The following MEIS2 variants were observed in gnomAD, a reference collection of about 807,000 sequenced individuals.
The protein encoded by MEIS2 is Meis homeobox 2.
Under a neutral mutation model 58.6 loss-of-function variants are expected in MEIS2, and 9 were observed. The observed-to-expected ratio is 0.15, with a 90% CI of 0.09 to 0.27. The LOEUF (loss-of-function observed/expected upper bound fraction) is 0.27. MEIS2 is among the 10% of genes least tolerant of loss of function. MEIS2 has a pLI of 1.00. For synonymous variants in MEIS2, 221 were observed against 228.4 expected (o/e 0.97, Z 0.29); for missense variants, 427 against 635.0 (o/e 0.67, Z 3.52).
rs375872187 is a variant in MEIS2, at chr15:36,934,662, G to A, written c.977+15662C>T. Among the ~76,000 whole-genome samples the A allele has an allele frequency of 3.6e-3, 542 of 152,250 alleles. 9 individuals are homozygous for A. Among genetic ancestry groups the A allele is most frequent in the Admixed American group, 7.1e-3 (108 of 15,294 alleles). ...TCATGCTTTTTCATCTCCTGTATGAGCTTTGCCTAGCATGAAATGCTGTCA... is the reference window on the plus strand; with the variant it reads ...TCATGCTTTTTCATCTCCTGTATGAACTTTGCCTAGCATGAAATGCTGTCA... On this transcript the variant is annotated intron_variant, in intron 9 of 11. Transcript: ENST00000561208.
chr15:36,946,749 C>A (rs1244548731), intron 9 of MEIS2, among the ~76,000 whole-genome samples: 1 of 151,932 alleles, frequency 6.6e-6, no homozygotes, highest in Non-Finnish European at 1.5e-5. Context: ...TGACCATTAT[C>A]TCCATTTCAC....
chr15:37,045,585 A>G (rs1225730864), intron 7 of MEIS2, among the ~76,000 whole-genome samples: 1 of 152,198 alleles, frequency 6.6e-6, no homozygotes, highest in Non-Finnish European at 1.5e-5. Context: ...ATTTTTTCCT[A>G]CATGCAATTT....
intron 9 of MEIS2, among the ~76,000 whole-genome samples, chr15:36,911,046 A>G (rs76744285): frequency 1.4e-5 from 2 of 147,344 alleles, no homozygotes; most frequent in African/African-American, 5.0e-5. Context: ...CTCTGTCTCA[A>G]AAAAAAAAAA....
At chr15:37,099,102 A>G (rs957057350) in intron 1 of MEIS2, 57 of 1,012,560 alleles carry the variant, frequency 5.6e-5, no homozygotes, top group Non-Finnish European at 6.6e-5. Context: ...CAGCGGCAGC[A>G]GGAGAACCGG....
intron 7 of MEIS2, among the ~76,000 whole-genome samples, chr15:37,070,441 C>G (rs574486778): frequency 6.6e-5 from 10 of 152,218 alleles, no homozygotes; most frequent in Admixed American, 6.5e-4. Flanking sequence ...AGAGATAATG[C>G]ATAAAAGCGT....
Position 36,891,486 on chromosome 15 carries a change from C to T in MEIS2, c.*687G>A, listed in dbSNP as rs2055853097. 1 of 152,674 alleles carries T rather than the reference C, an allele frequency of 6.5e-6. No individual in the cohort carries two copies. Among genetic ancestry groups the T allele is most frequent in the African/African-American group, 2.4e-5 (1 of 41,424 alleles). The allele number at this position is 152,674 out of a possible 1,614,324, so 9.5% of individuals were successfully genotyped here. A position where few individuals can be genotyped will look rare whatever the true frequency, so the allele number is the denominator to read the frequency against. On this transcript the variant is annotated 3_prime_UTR_variant, in exon 12 of 12. Transcript: ENST00000561208. Reference sequence around the variant, plus strand: ...CAAGGCTCAGAACTCCTGGAAGAAGCTCCTGCTCTGTCTTTAAATCTTCAT... The same window carrying T: ...CAAGGCTCAGAACTCCTGGAAGAAGTTCCTGCTCTGTCTTTAAATCTTCAT...
chr15:36,948,633 A>G (rs1162947997), intron 9 of MEIS2, among the ~76,000 whole-genome samples: 1 of 152,018 alleles, frequency 6.6e-6, no homozygotes, highest in African/African-American at 2.4e-5. Flanking sequence ...ATGTGTATAT[A>G]TTAGCTCAGT....
chr15:36,988,568 C>G (rs566736464), intron 8 of MEIS2, among the ~76,000 whole-genome samples: 3 of 152,066 alleles, frequency 2.0e-5, no homozygotes, highest in African/African-American at 7.2e-5. Flanking sequence ...TTGCCTTGGC[C>G]CAGGATAGAA....
chr15:36,995,638 A>T (rs1252666015), intron 8 of MEIS2, among the ~76,000 whole-genome samples: 3 of 144,488 alleles, frequency 2.1e-5, no homozygotes, highest in Non-Finnish European at 4.5e-5. Flanking sequence ...GCAAGGCTGA[A>T]CAGGAAACAA....
chr15:36,986,632 G>A (rs2060100980), intron 8 of MEIS2, among the ~76,000 whole-genome samples: 1 of 152,162 alleles, frequency 6.6e-6, no homozygotes, highest in Non-Finnish European at 1.5e-5. Flanking sequence ...ATCAATCCCA[G>A]CACTAGCTGG....
At chr15:36,977,309 T>C (rs187500528) in intron 8 of MEIS2, among the ~76,000 whole-genome samples, 6 of 152,230 alleles carry the variant, frequency 3.9e-5, no homozygotes, top group East Asian at 1.9e-4. Flanking sequence ...AAGAAAAGGA[T>C]TTAAATCAAA....
chr15:37,013,988 C>A (rs779467522), intron 8 of MEIS2, among the ~76,000 whole-genome samples: 9 of 152,102 alleles, frequency 5.9e-5, no homozygotes, highest in Non-Finnish European at 1.2e-4. Flanking sequence ...AAGATATGGG[C>A]AAGAACCCAG....
At chr15:37,072,792 A>G (rs923673717) in intron 7 of MEIS2, among the ~76,000 whole-genome samples, 1 of 152,058 alleles carries the variant, frequency 6.6e-6, no homozygotes, top group African/African-American at 2.4e-5. Flanking sequence ...CTCGTCATTT[A>G]ACATTAGGTA....
At chr15:37,029,578 A>C (rs1256696159) in intron 8 of MEIS2, among the ~76,000 whole-genome samples, 1 of 152,144 alleles carries the variant, frequency 6.6e-6, no homozygotes, top group Non-Finnish European at 1.5e-5. Flanking sequence ...TGCAGGATGA[A>C]AGAGGTGGGT....
chr15:37,017,614 A>G (rs963071244), intron 8 of MEIS2, among the ~76,000 whole-genome samples: 1 of 152,164 alleles, frequency 6.6e-6, no homozygotes, highest in Non-Finnish European at 1.5e-5. Flanking sequence ...CACACAAAAA[A>G]GTGCCTGATT....
At chr15:37,090,153 T>G (rs889915764) in intron 6 of MEIS2, among the ~76,000 whole-genome samples, 1 of 152,094 alleles carries the variant, frequency 6.6e-6, no homozygotes, top group African/African-American at 2.4e-5. Flanking sequence ...AATAGCTCTT[T>G]CCTACCTATA....
chr15:36,944,842 C>T (rs1375797988), intron 9 of MEIS2, among the ~76,000 whole-genome samples: 2 of 151,992 alleles, frequency 1.3e-5, no homozygotes, highest in South Asian at 2.1e-4. Context: ...AGGTTTATCT[C>T]GACCCCACCT....
chr15:36,906,651 G>GAAAAAAAAAAAAAAAAA (rs56715244), intron 9 of MEIS2, among the ~76,000 whole-genome samples: 1 of 96,554 alleles, frequency 1.0e-5, no homozygotes, highest in Non-Finnish European at 2.1e-5. Context: ...AGCCACTCAA[G>GAAAAAAAAAAAAAAAAA]AAAAAAAAAA....
intron 7 of MEIS2, among the ~76,000 whole-genome samples, chr15:37,082,587 AATAAAACAGTAT>A (rs1421959147): frequency 3.9e-5 from 6 of 152,306 alleles, no homozygotes; most frequent in South Asian, 2.1e-4. Flanking sequence ...TAACTGGTAA[AATAAAACAGTAT>A]ATAAAACAGT....
Sources: allele counts gnomAD v4.1 joint callset (sites outside exome capture counted in the v4.1 genomes callset), GRCh38; gene constraint gnomAD v4.1.1; transcripts MANE v1.5; gene names NCBI Gene and HGNC (gene_info 2026-07-23, HGNC 2026-07-21).